The following EXT1 variants were observed in gnomAD, a reference collection of about 807,000 sequenced individuals.
The protein encoded by EXT1 is exostosin-1.
A neutral mutation model predicts 82.5 loss-of-function variants in EXT1; 20 were observed. That is an observed-to-expected ratio of 0.24 (90% CI 0.17 to 0.35). The LOEUF is 0.35. Among genes scored for constraint, EXT1 ranks in the 10% least tolerant of loss-of-function variants. EXT1 has a pLI of 1.00. For missense variants in EXT1, 757 were observed against 936.5 expected, an observed-to-expected ratio of 0.81 and a Z score of 2.50; for synonymous variants, 348 against 350.8, an observed-to-expected ratio of 0.99 and a Z score of 0.09.
rs1450597339 is a variant in EXT1 at position 117,895,004 on chromosome 8, A to G, written c.963-57803T>C. Among the ~76,000 whole-genome samples, 5 of 152,224 alleles carry G rather than the reference A, an allele frequency of 3.3e-5. No homozygotes were observed. The East Asian group carries it at 9.6e-4, about 29-fold the overall frequency. ...GATTAGATTAAGCATCAACTGGCAA[A>G]TACAATGTCTATAAGCTTCTGGGTT... On this transcript the variant is annotated intron_variant, in intron 1 of 10. Transcript: ENST00000378204.
intron 1 of EXT1, among the ~76,000 whole-genome samples, chr8:117,908,455 C>T (rs1000695217): frequency 1.3e-5 from 2 of 151,908 alleles, no homozygotes; most frequent in African/African-American, 4.8e-5. Context: ...CATGGTGAAA[C>T]CCCACCTCTA....
chr8:117,869,312 G>T (rs1272309812), intron 1 of EXT1, among the ~76,000 whole-genome samples: 1 of 152,196 alleles, frequency 6.6e-6, no homozygotes, highest in African/African-American at 2.4e-5. Flanking sequence ...CCCATAAATA[G>T]TGATTTATTT....
Position 118,035,484 on chromosome 8 carries a change from A to G in EXT1, c.962+74601T>C, listed in dbSNP as rs187936996. Among the ~76,000 whole-genome samples the G allele has an allele frequency of 2.4e-3, 359 of 152,264 alleles. 3 individuals are homozygous for G. The highest frequency in any genetic ancestry group is 8.3e-3 in the African/African-American group (345 of 41,540). ...GATGCAATCCTTGTCATTTCTTTCT[A>G]ATGTATAATAATTAAAGGAATAAAT... On this transcript the variant is annotated intron_variant, in intron 1 of 10. Coordinates refer to ENST00000378204, the MANE Select transcript of EXT1 (RefSeq NM_000127.3).
intron 1 of EXT1, among the ~76,000 whole-genome samples, chr8:118,077,964 A>G (rs1457803222): frequency 6.6e-6 from 1 of 152,216 alleles, no homozygotes; most frequent in Non-Finnish European, 1.5e-5. Flanking sequence ...ACTACTGGCA[A>G]CAGACTATTC....
At chr8:117,818,581 T>G (rs10955837) in intron 6 of EXT1, 51 bp from the exon 7 acceptor site, 21 of 1,405,650 alleles carry the variant, frequency 1.5e-5, no homozygotes, top group Non-Finnish European at 2.0e-5. Flanking sequence ...TATTTATGTA[T>G]GCCTCCAACC....
At chr8:118,087,271 C>T (rs1817438303) in intron 1 of EXT1, among the ~76,000 whole-genome samples, 1 of 152,094 alleles carries the variant, frequency 6.6e-6, no homozygotes, top group South Asian at 2.1e-4. Context: ...AGAAAGGAGC[C>T]CAACCCTGAA....
At chr8:118,036,129 C>A (rs1015802314) in intron 1 of EXT1, among the ~76,000 whole-genome samples, 1 of 149,790 alleles carries the variant, frequency 6.7e-6, no homozygotes, top group Non-Finnish European at 1.5e-5. Flanking sequence ...TAAATTCCAA[C>A]TCACTCCTAG....
chr8:117,998,176 G>A (rs1815587654), intron 1 of EXT1, among the ~76,000 whole-genome samples: 1 of 151,784 alleles, frequency 6.6e-6, no homozygotes, highest in Non-Finnish European at 1.5e-5. Context: ...AACATGCCCG[G>A]CTAATTTTTG....
chr8:117,922,459 G>A (rs1165979443), intron 1 of EXT1, among the ~76,000 whole-genome samples: 3 of 152,136 alleles, frequency 2.0e-5, no homozygotes, highest in Non-Finnish European at 4.4e-5. Flanking sequence ...CCAAGTTTTC[G>A]TTTCATTTAG....
chr8:117,925,693 A>G (rs1411544265), intron 1 of EXT1, among the ~76,000 whole-genome samples: 1 of 132,980 alleles, frequency 7.5e-6, no homozygotes, highest in Non-Finnish European at 1.6e-5. Flanking sequence ...ACACAGGGAT[A>G]CCCTGTCTCT....
At chr8:117,988,988 A>T (rs1353560617) in intron 1 of EXT1, among the ~76,000 whole-genome samples, 1 of 150,742 alleles carries the variant, frequency 6.6e-6, no homozygotes, top group East Asian at 2.0e-4. Context: ...GCTACTCAGG[A>T]AGCTGAGGCA....
At chr8:117,910,017 G>GGGATTA in intron 1 of EXT1, among the ~76,000 whole-genome samples, 1 of 152,198 alleles carries the variant, frequency 6.6e-6, no homozygotes, top group South Asian at 2.1e-4. Flanking sequence ...GTCCACCCGT[G>GGGATTA]CCGGCCTCCC....
intron 1 of EXT1, among the ~76,000 whole-genome samples, chr8:117,984,460 A>AAC (rs1439167840): frequency 6.6e-6 from 1 of 151,474 alleles, no homozygotes; most frequent in Non-Finnish European, 1.5e-5. Context: ...AAAAAAAAAA[A>AAC]ACAAAGAAAA....
At chr8:118,095,252 C>T (rs1020274334) in intron 1 of EXT1, among the ~76,000 whole-genome samples, 2 of 152,200 alleles carry the variant, frequency 1.3e-5, no homozygotes, top group East Asian at 1.9e-4. Flanking sequence ...TGAGTTACTC[C>T]TTAGATATAG....
intron 4 of EXT1, among the ~76,000 whole-genome samples, chr8:117,829,872 T>C (rs1039061810): frequency 3.3e-5 from 5 of 152,028 alleles, no homozygotes; most frequent in African/African-American, 1.2e-4. Context: ...TGCCAAGCCA[T>C]TAAATATTTT....
At chr8:117,893,699 C>T (rs573744272) in intron 1 of EXT1, among the ~76,000 whole-genome samples, 2 of 152,188 alleles carry the variant, frequency 1.3e-5, no homozygotes, top group Non-Finnish European at 2.9e-5. Flanking sequence ...GCAAGTGAAA[C>T]GCTTGCCACT....
At chr8:117,850,497 T>C (rs1010833075) in intron 1 of EXT1, among the ~76,000 whole-genome samples, 6 of 150,002 alleles carry the variant, frequency 4.0e-5, no homozygotes, top group Admixed American at 1.3e-4. Context: ...GAAAACATAA[T>C]TGGAAAACTT....
In EXT1 at chr8:117,979,217, G is replaced by C. The variant is rs1051192223; in HGVS notation, c.962+130868C>G. Among the ~76,000 whole-genome samples the C allele has an allele frequency of 2.6e-5, 4 of 151,920 alleles. No homozygotes were observed. The East Asian group carries it at 5.8e-4, about 22-fold the overall frequency. On this transcript the variant is annotated intron_variant, in intron 1 of 10. Transcript: ENST00000378204. ...AAAACACAAAAATTGGCCGGGCACT[G>C]GGGGGGTGCACCTGTAGTCCCAGCT...
At chr8:117,900,031 C>T (rs1400936690) in intron 1 of EXT1, among the ~76,000 whole-genome samples, 5 of 152,138 alleles carry the variant, frequency 3.3e-5, no homozygotes, top group African/African-American at 4.8e-5. Context: ...ACGGATTTGC[C>T]GAGGTGACTA....
Sources: allele counts gnomAD v4.1 joint callset (sites outside exome capture counted in the v4.1 genomes callset), GRCh38; gene constraint gnomAD v4.1.1; transcripts MANE v1.5; gene names NCBI Gene and HGNC (gene_info 2026-07-23, HGNC 2026-07-21).